The following ENTPD1 variants were observed in gnomAD, a reference collection of about 807,000 sequenced individuals.
ENTPD1 encodes the protein ectonucleoside triphosphate diphosphohydrolase 1, also known as ATP diphosphohydrolase.
A neutral mutation model predicts 57.0 loss-of-function variants in ENTPD1; 33 were observed. The ratio of observed to expected loss-of-function variants is 0.58; its 90% CI spans 0.44 to 0.77. The LOEUF (loss-of-function observed/expected upper bound fraction) is 0.77, where lower values mean the gene tolerates loss of function less well. ENTPD1 is among the 30% of genes least tolerant of loss of function. The probability of loss-of-function intolerance (pLI) is 0.00; values close to 1 mark genes in which losing one functional copy is unlikely to be tolerated. For missense variants in ENTPD1, 501 were observed against 603.4 expected, an observed-to-expected ratio of 0.83 and a Z score of 1.78; for synonymous variants, 202 against 218.8, an observed-to-expected ratio of 0.92 and a Z score of 0.68.
At position 95,869,695 on chromosome 10, in the gene ENTPD1, C is replaced by G; in HGVS notation, c.*3312C>G. 1 of 952,072 alleles carries G rather than the reference C, an allele frequency of 1.1e-6. No individual in the cohort carries two copies. The highest frequency in any genetic ancestry group is 1.3e-6 in the Non-Finnish European group (1 of 799,626). The allele number at this position is 952,072 out of a possible 1,614,324, so 59.0% of individuals were successfully genotyped here. On this transcript the variant is annotated 3_prime_UTR_variant, in exon 10 of 10. Transcript: ENST00000371205. ...AATAAAATTTTTTAAAATTACACTT[C>G]ATTTTAATGTTGTATCAGTCAAGGT...
upstream of ENTPD1, among the ~76,000 whole-genome samples, chr10:95,706,910 A>G (rs1053347099): frequency 6.6e-6 from 1 of 152,086 alleles, no homozygotes; most frequent in African/African-American, 2.4e-5. Context: ...GTTCAGCCCA[A>G]CCCCACTTGG....
intron 7 of ENTPD1, among the ~76,000 whole-genome samples, chr10:95,850,542 G>A (rs868773318): frequency 1.3e-5 from 2 of 152,100 alleles, no homozygotes; most frequent in South Asian, 2.1e-4. Flanking sequence ...GCACTTACCA[G>A]TTTCCATGGT....
chr10:95,736,006 T>TTG (rs1397537511), intron 1 of ENTPD1, among the ~76,000 whole-genome samples: 1 of 150,752 alleles, frequency 6.6e-6, no homozygotes, highest in East Asian at 1.9e-4. Context: ...TCAAAGTTTT[T>TTG]TTTTTTTTTT....
chr10:95,830,548 G>C (rs1362554654), intron 2 of ENTPD1, among the ~76,000 whole-genome samples: 1 of 152,138 alleles, frequency 6.6e-6, no homozygotes, highest in Non-Finnish European at 1.5e-5. Context: ...GCTCACTCCT[G>C]TAATCCCAGC....
chr10:95,705,952 A>C, the ENTPD1 span, among the ~76,000 whole-genome samples: 1 of 152,160 alleles, frequency 6.6e-6, no homozygotes, highest in African/African-American at 2.4e-5. Context: ...TTAAAAATTT[A>C]GTTGGGTGTG....
intron 2 of ENTPD1, among the ~76,000 whole-genome samples, chr10:95,838,468 C>T (rs2098415756): frequency 6.6e-6 from 1 of 152,136 alleles, no homozygotes; most frequent in Non-Finnish European, 1.5e-5. Flanking sequence ...AAATACTTTG[C>T]AGTGATGGAA....
At chr10:95,757,612 T>C (rs1400355496) in intron 1 of ENTPD1, among the ~76,000 whole-genome samples, 1 of 152,138 alleles carries the variant, frequency 6.6e-6, no homozygotes, top group Non-Finnish European at 1.5e-5. Flanking sequence ...CCATTCTCTA[T>C]GAGAAGCAGG....
chr10:95,845,365 G>A lies in ENTPD1; in HGVS notation c.582G>A (p.Arg194=), dbSNP rs1179778229. ...ACTGTACTGTCTTTCAGAAAACAAG[G>A]TGGTTCAGCATAGTCCCATATGAAA... ...YLLGKFSQKT[R]WFSIVPYETN... Residue 194 remains arginine (R), a synonymous_variant, in exon 6 of 10, where the codon AGG becomes AGA. Transcript: ENST00000371205. The A allele has an allele frequency of 2.5e-6, 4 of 1,614,088 alleles. No individual in the cohort carries two copies. The highest frequency in any genetic ancestry group is 2.7e-5 in the African/African-American group (2 of 74,922).
intron 1 of ENTPD1, among the ~76,000 whole-genome samples, chr10:95,794,830 A>G (rs1479843252): frequency 6.6e-6 from 1 of 152,112 alleles, no homozygotes; most frequent in Non-Finnish European, 1.5e-5. Context: ...CAGAGTACAT[A>G]AATTGTGCTA....
the ENTPD1 span, among the ~76,000 whole-genome samples, chr10:95,694,457 T>G: frequency 6.7e-4 from 102 of 151,698 alleles, no homozygotes; most frequent in Non-Finnish European, 1.4e-3. Context: ...TAATGTTCAT[T>G]CAGCTCCTTA....
intron 1 of ENTPD1, among the ~76,000 whole-genome samples, chr10:95,807,710 G>A (rs2098279050): frequency 6.6e-6 from 1 of 152,160 alleles, no homozygotes; most frequent in Non-Finnish European, 1.5e-5. Flanking sequence ...TCCTGCTTTG[G>A]CTCTCAGCTT....
chr10:95,705,115 T>A, the ENTPD1 span, among the ~76,000 whole-genome samples: 1 of 152,146 alleles, frequency 6.6e-6, no homozygotes, highest in Non-Finnish European at 1.5e-5. Flanking sequence ...GTTAAACTTT[T>A]TAAAGGTGGA....
intron 2 of ENTPD1, among the ~76,000 whole-genome samples, chr10:95,825,689 T>A (rs1394396656): frequency 3.3e-5 from 5 of 152,240 alleles, no homozygotes; most frequent in Non-Finnish European, 5.9e-5. Flanking sequence ...GTCGTTCTCC[T>A]GCCTCAGCCT....
chr10:95,805,449 G>T (rs1286527690), intron 1 of ENTPD1, among the ~76,000 whole-genome samples: 1 of 152,080 alleles, frequency 6.6e-6, no homozygotes, highest in Non-Finnish European at 1.5e-5. Context: ...TATCCAATTT[G>T]CCAGTCTATG....
chr10:95,711,474 A>G (rs1209608569), upstream of ENTPD1, among the ~76,000 whole-genome samples: 1 of 152,126 alleles, frequency 6.6e-6, no homozygotes, highest in Non-Finnish European at 1.5e-5. Flanking sequence ...AAAGTGGACA[A>G]TTCCCCTATA....
chr10:95,780,545 T>G (rs963699694), intron 1 of ENTPD1, among the ~76,000 whole-genome samples: 8 of 152,248 alleles, frequency 5.3e-5, no homozygotes, highest in Non-Finnish European at 7.3e-5. Flanking sequence ...GTCTGCTTTT[T>G]GTAATTTTTT....
intron 1 of ENTPD1, among the ~76,000 whole-genome samples, chr10:95,783,865 A>G (rs2098167364): frequency 6.6e-6 from 1 of 152,152 alleles, no homozygotes; most frequent in Non-Finnish European, 1.5e-5. Flanking sequence ...CTCAGCTTCT[A>G]GTTACTACTG....
chr10:95,856,316 T>TG (rs2098454618), intron 7 of ENTPD1, among the ~76,000 whole-genome samples: 1 of 152,140 alleles, frequency 6.6e-6, no homozygotes, highest in Non-Finnish European at 1.5e-5. Flanking sequence ...CCTGCAAGAA[T>TG]GGTCATAATT....
chr10:95,873,452 ATTTC>A lies in ENTPD1; in HGVS notation c.*7072_*7075del. ...TGAAGGCCTGGAGTGCTTAAGAGGG[ATTTC>A]TTCCAGCTCTCTTGCCCTGGTCTTC... On this transcript the variant is annotated 3_prime_UTR_variant, in exon 10 of 10. Coordinates refer to ENST00000371205, the MANE Select transcript of ENTPD1 (RefSeq NM_001776.6). 1 of 985,366 alleles carries A rather than the reference ATTTC, an allele frequency of 1.0e-6. No individual in the cohort carries two copies. Among genetic ancestry groups the A allele is most frequent in the Non-Finnish European group, 1.2e-6 (1 of 829,978 alleles). 61.0% of individuals were successfully genotyped at this position (985,366 alleles called of 1,614,324 possible). A position where few individuals can be genotyped will look rare whatever the true frequency, so the allele number is the denominator to read the frequency against.
Sources: gnomAD v4.1 joint callset for allele counts (sites outside exome capture counted in the v4.1 genomes callset) on GRCh38, gnomAD v4.1.1 for gene constraint, MANE v1.5 for transcripts, NCBI Gene and HGNC (gene_info 2026-07-23, HGNC 2026-07-21) for gene names.